Variants in RNGTT observed in about 807,000 individuals in gnomAD.
RNGTT encodes mRNA-capping enzyme.
In RNGTT, 33 loss-of-function variants were observed where a neutral mutation model predicts 79.3. The ratio of observed to expected loss-of-function variants is 0.42; its 90% CI spans 0.32 to 0.56. The LOEUF (loss-of-function observed/expected upper bound fraction) is 0.56, where lower values mean the gene tolerates loss of function less well. Ranked by LOEUF, RNGTT falls within the 20% of genes least tolerant of loss-of-function variation. The pLI, the probability that RNGTT is intolerant of heterozygous loss-of-function variation, is 0.17. For missense variants in RNGTT, 497 were observed against 739.1 expected (o/e 0.67, Z 3.80); for synonymous variants, 222 against 235.9 (o/e 0.94, Z 0.54).
chr6:88,950,750 T>C (rs1785214970), intron 1 of RNGTT, among the ~76,000 whole-genome samples: 1 of 152,130 alleles, frequency 6.6e-6, no homozygotes, highest in Non-Finnish European at 1.5e-5. Flanking sequence ...GAGAATCGCT[T>C]GAACCCAGGA....
chr6:88,719,562 A>G (rs748085624), intron 13 of RNGTT, among the ~76,000 whole-genome samples: 20 of 152,186 alleles, frequency 1.3e-4, no homozygotes, highest in Non-Finnish European at 2.6e-4. Flanking sequence ...AATACTTTAC[A>G]TATTTATTAT....
intron 12 of RNGTT, among the ~76,000 whole-genome samples, chr6:88,783,261 G>A (rs774367181): frequency 7.9e-5 from 12 of 152,136 alleles, no homozygotes; most frequent in South Asian, 2.1e-4. Context: ...GGATGGAGCT[G>A]GAGAGCACTG....
At chr6:88,718,026 G>C (rs368392490) in intron 13 of RNGTT, among the ~76,000 whole-genome samples, 1 of 152,104 alleles carries the variant, frequency 6.6e-6, no homozygotes, top group Non-Finnish European at 1.5e-5. Flanking sequence ...GAATTAATCT[G>C]GCCAGGAGGC....
intron 14 of RNGTT, among the ~76,000 whole-genome samples, chr6:88,617,180 T>C (rs752326228): frequency 6.6e-6 from 1 of 152,102 alleles, no homozygotes; most frequent in Non-Finnish European, 1.5e-5. Context: ...TGAGGCAGGA[T>C]AATGGCATGA....
chr6:88,697,973 CATAT>C (rs1168204412), intron 13 of RNGTT, among the ~76,000 whole-genome samples: 2 of 75,500 alleles, frequency 2.6e-5, no homozygotes, highest in Non-Finnish European at 4.3e-5. Context: ...ATATGAAATA[CATAT>C]ATATGATATA....
intron 1 of RNGTT, among the ~76,000 whole-genome samples, chr6:88,958,864 C>T (rs761888814): frequency 1.6e-4 from 25 of 152,060 alleles, no homozygotes; most frequent in Non-Finnish European, 3.1e-4. Flanking sequence ...GGGTATCTAC[C>T]CAGAAGAAAA....
At chr6:88,772,079 T>C (rs989638990) in intron 12 of RNGTT, among the ~76,000 whole-genome samples, 2 of 151,778 alleles carry the variant, frequency 1.3e-5, no homozygotes, top group Admixed American at 6.6e-5. Flanking sequence ...CTTAGGAGAC[T>C]GAGGTGGGAG....
At chr6:88,709,068 G>A (rs1195614572) in intron 13 of RNGTT, among the ~76,000 whole-genome samples, 1 of 152,148 alleles carries the variant, frequency 6.6e-6, no homozygotes, top group Non-Finnish European at 1.5e-5. Flanking sequence ...CCAGCACTTT[G>A]GGAGGCTGAG....
chr6:88,838,276 G>A (rs188719286), intron 11 of RNGTT, among the ~76,000 whole-genome samples: 1 of 152,178 alleles, frequency 6.6e-6, no homozygotes, highest in Admixed American at 6.6e-5. Context: ...GTGCAGTAAG[G>A]CAGGAGAATA....
chr6:88,815,589 T>C (rs1780289088), intron 11 of RNGTT, among the ~76,000 whole-genome samples: 1 of 152,202 alleles, frequency 6.6e-6, no homozygotes, highest in Non-Finnish European at 1.5e-5. Flanking sequence ...TTTGTCACTG[T>C]ATTTCTCTAG....
At chr6:88,948,203 G>A (rs1394344025) in intron 1 of RNGTT, among the ~76,000 whole-genome samples, 26 of 10,258 alleles carry the variant, frequency 2.5e-3, no homozygotes, top group African/African-American at 5.7e-3. Context: ...CCCCCCGCCC[G>A]GCCAGCCGCC....
At chr6:88,843,780 G>T (rs562722108) in intron 11 of RNGTT, among the ~76,000 whole-genome samples, 73 of 151,046 alleles carry the variant, frequency 4.8e-4, no homozygotes, top group African/African-American at 1.2e-3. Flanking sequence ...CTGGTCTTGA[G>T]TTCCTGACCT....
chr6:88,844,334 T>C, intron 11 of RNGTT, 23 bp downstream of exon 11: 3 of 1,600,038 alleles, frequency 1.9e-6, no homozygotes, highest in Non-Finnish European at 2.6e-6. Flanking sequence ...TTAGCACTAA[T>C]TTAAAAAAAA....
intron 12 of RNGTT, among the ~76,000 whole-genome samples, chr6:88,780,815 C>G (rs2127848920): frequency 6.6e-6 from 1 of 152,224 alleles, no homozygotes; most frequent in East Asian, 1.9e-4. Flanking sequence ...GGCCATATGC[C>G]AAAGAGAAGT....
chr6:88,957,667 T>G (rs577344080), intron 1 of RNGTT, among the ~76,000 whole-genome samples: 4 of 152,268 alleles, frequency 2.6e-5, no homozygotes, highest in African/African-American at 4.8e-5. Context: ...GGAATATACC[T>G]AACCAAGGAG....
At chr6:88,893,878 G>A (rs949495340) in intron 6 of RNGTT, among the ~76,000 whole-genome samples, 1 of 152,060 alleles carries the variant, frequency 6.6e-6, no homozygotes, top group Admixed American at 6.5e-5. Flanking sequence ...AACATAATTT[G>A]CTATTTAATG....
At position 88,919,669 on chromosome 6, in the gene RNGTT, A is replaced by G. The variant is rs145146102; in HGVS notation, c.367+9316T>C. On this transcript the variant is annotated intron_variant, in intron 4 of 15. Coordinates refer to ENST00000369485, the MANE Select transcript of RNGTT (RefSeq NM_003800.5). ...CTAGATAAATTTTTTAATGCTAAAAATCCTAATTATTTGATCAGTCTAATT... is the reference window on the plus strand; with the variant it reads ...CTAGATAAATTTTTTAATGCTAAAAGTCCTAATTATTTGATCAGTCTAATT... 2.6e-3 allele frequency among the ~76,000 whole-genome samples: 388 copies of G among 148,800 alleles called. 2 individuals carry two copies. Among genetic ancestry groups the G allele is most frequent in the African/African-American group, 9.3e-3 (371 of 40,010 alleles).
chr6:88,842,531 T>C (rs1439359231), intron 11 of RNGTT, among the ~76,000 whole-genome samples: 9 of 152,122 alleles, frequency 5.9e-5, no homozygotes, highest in African/African-American at 2.2e-4. Flanking sequence ...TATGTTCATG[T>C]GAGAACACAG....
At chr6:88,922,780 C>T (rs748691585) in intron 4 of RNGTT, among the ~76,000 whole-genome samples, 34 of 152,148 alleles carry the variant, frequency 2.2e-4, no homozygotes, top group South Asian at 4.1e-4. Flanking sequence ...CCACCCGCCT[C>T]GGCCTCCCAA....
Sources: gnomAD v4.1 joint callset for allele counts (sites outside exome capture counted in the v4.1 genomes callset) on GRCh38, gnomAD v4.1.1 for gene constraint, MANE v1.5 for transcripts, NCBI Gene and HGNC (gene_info 2026-07-23, HGNC 2026-07-21) for gene names.